The following PTPA variants were observed in gnomAD, a reference collection of about 807,000 sequenced individuals.
PTPA encodes the protein protein phosphatase 2 phosphatase activator.
Under a neutral mutation model 43.6 loss-of-function variants are expected in PTPA, and 13 were observed. The ratio of observed to expected loss-of-function variants is 0.30; its 90% CI spans 0.19 to 0.47. The LOEUF (loss-of-function observed/expected upper bound fraction) is 0.47. Among genes scored for constraint, PTPA ranks in the 20% least tolerant of loss-of-function variants. The pLI, the probability that PTPA is intolerant of heterozygous loss-of-function variation, is 0.99. For synonymous variants in PTPA, 172 were observed against 158.2 expected (o/e 1.09, Z -0.66); for missense variants, 329 against 411.9 (o/e 0.80, Z 1.74).
At chr9:129,114,858 G>A (rs1035076603) in intron 1 of PTPA, among the ~76,000 whole-genome samples, 1 of 152,168 alleles carries the variant, frequency 6.6e-6, no homozygotes, top group Non-Finnish European at 1.5e-5. Flanking sequence ...GGGATTGTGT[G>A]TTCTGGCAAC....
At position 129,136,512 on chromosome 9, in the gene PTPA, T is replaced by G; in HGVS notation, c.602T>G (p.Met201Arg). 1 of 1,613,878 alleles carries G rather than the reference T, an allele frequency of 6.2e-7. No homozygotes were observed. Among genetic ancestry groups the G allele is most frequent in the Non-Finnish European group, 8.5e-7 (1 of 1,179,844 alleles). The change falls in exon 7 of 10, where the codon ATG becomes AGG. Residue 201 changes from methionine to arginine, a missense_variant. By Grantham distance (91) the Met-to-Arg change is moderately conservative (BLOSUM62 -1). Coordinates refer to ENST00000393370, the MANE Select transcript of PTPA (RefSeq NM_178000.3). ...VMRKLQKTYRMEPAGSQGVWG... is the reference protein window; with the variant it reads ...VMRKLQKTYRREPAGSQGVWG... ...CGGAAACTCCAGAAAACATACAGGA[T>G]GGAGCCAGCCGGCAGCCAGGGAGTG...
At chr9:129,125,522 C>T (rs553662267) in intron 3 of PTPA, among the ~76,000 whole-genome samples, 20 of 152,274 alleles carry the variant, frequency 1.3e-4, no homozygotes, top group Admixed American at 9.2e-4. Flanking sequence ...GGATTGCAGG[C>T]GTGAGCTGCT....
At position 129,129,021 on chromosome 9, in the gene PTPA, G is replaced by T. The variant is rs1849770818; in HGVS notation, c.253G>T (p.Asp85Tyr). The change falls in exon 4 of 10, where the codon GAC becomes TAC. Residue 85 changes from aspartate (D) to tyrosine (Y), a missense_variant. Asp to Tyr is a radical substitution (Grantham distance 160, BLOSUM62 -3). Coordinates refer to ENST00000393370, the MANE Select transcript of PTPA (RefSeq NM_178000.3). ...EKLVALLNTLDRWIDETPPVD... is the reference protein window; with the variant it reads ...EKLVALLNTLYRWIDETPPVD... Reference sequence around the variant, plus strand: ...ACTAGTCGCTCTTCTCAACACGCTGGACAGGTGGATTGATGAGACTCCTCC... The same window carrying T: ...ACTAGTCGCTCTTCTCAACACGCTGTACAGGTGGATTGATGAGACTCCTCC... 1.2e-6 allele frequency: 2 copies of T among 1,612,974 alleles called. 1 individual carries two copies. The highest frequency in any genetic ancestry group is 2.2e-5 in the South Asian group (2 of 91,016).
intron 8 of PTPA, among the ~76,000 whole-genome samples, chr9:129,138,362 C>T (rs1012742662): frequency 2.0e-5 from 3 of 152,176 alleles, no homozygotes; most frequent in African/African-American, 7.2e-5. Context: ...CATTCCTGGG[C>T]CCTCCATCCC....
rs1466637846 is a variant in PTPA at position 129,111,847 on chromosome 9, T to G, written c.31+216T>G. On this transcript the variant is annotated intron_variant, in intron 1 of 9. Transcript: ENST00000393370. ...CCAGGGGCTGCAAAGGGGTGGTGAT[T>G]GGGGCGCAACTCTGGGTTTTGTGGG... 4 of 1,183,450 alleles carry G rather than the reference T, an allele frequency of 3.4e-6. No homozygotes were observed. In the African/African-American group the frequency reaches 4.8e-5, roughly 14 times the overall value. The allele number at this position is 1,183,450 out of a possible 1,614,324, so 73.3% of individuals were successfully genotyped here. A position where few individuals can be genotyped will look rare whatever the true frequency, so the allele number is the denominator to read the frequency against.
At chr9:129,137,385 G>A (rs1850441073) in intron 7 of PTPA, among the ~76,000 whole-genome samples, 1 of 152,266 alleles carries the variant, frequency 6.6e-6, no homozygotes, top group African/African-American at 2.4e-5. Flanking sequence ...ACCTTGGCAG[G>A]CTGAAGTCAT....
intron 9 of PTPA, among the ~76,000 whole-genome samples, chr9:129,145,972 AG>A (rs1035781860): frequency 6.6e-6 from 1 of 151,978 alleles, no homozygotes; most frequent in South Asian, 2.1e-4. Context: ...TGTGGCTCTG[AG>A]GGGGCTGGCT....
chr9:129,111,709 G>A, intron 1 of PTPA, 78 bp downstream of exon 1: 1 of 1,245,586 alleles, frequency 8.0e-7, no homozygotes, highest in Non-Finnish European at 1.0e-6. Context: ...TCAGGAGGGC[G>A]AGAGTCATGA....
chr9:129,138,410 G>A (rs948436563), intron 8 of PTPA, among the ~76,000 whole-genome samples: 1 of 152,194 alleles, frequency 6.6e-6, no homozygotes, highest in African/African-American at 2.4e-5. Context: ...CAAGAGCCAG[G>A]AACCTGCATC....
At chr9:129,142,912 C>T in intron 9 of PTPA, 1 of 1,472,824 alleles carries the variant, frequency 6.8e-7, no homozygotes, top group Non-Finnish European at 9.0e-7. Flanking sequence ...TCTGGCTCTC[C>T]CATGGCATAC....
At chr9:129,126,507 GTCC>G (rs1188821943) in intron 3 of PTPA, among the ~76,000 whole-genome samples, 3 of 152,102 alleles carry the variant, frequency 2.0e-5, no homozygotes, top group Non-Finnish European at 4.4e-5. Flanking sequence ...AATGATGCCT[GTCC>G]TCCTCTTATG....
chr9:129,146,538 C>T (rs1176090474), intron 9 of PTPA, among the ~76,000 whole-genome samples: 1 of 152,238 alleles, frequency 6.6e-6, no homozygotes, highest in Non-Finnish European at 1.5e-5. Context: ...GCCTAACATA[C>T]TCTGTTTTCT....
At position 129,140,488 on chromosome 9, in the gene PTPA, A is replaced by T. The variant is rs1163352098; in HGVS notation, c.787-1957A>T. 2.0e-5 allele frequency among the ~76,000 whole-genome samples: 3 copies of T among 152,280 alleles called. No homozygotes were observed. In the East Asian group the frequency reaches 5.8e-4, roughly 30 times the overall value. On this transcript the variant is annotated intron_variant, in intron 8 of 9. Coordinates refer to ENST00000393370, the MANE Select transcript of PTPA (RefSeq NM_178000.3). Reference sequence around the variant, plus strand: ...CCCAGGGCCACTGGAGCTCCAGGACATGGGCCTAGCCCTGGCTCTGCCAGA... The same window carrying T: ...CCCAGGGCCACTGGAGCTCCAGGACTTGGGCCTAGCCCTGGCTCTGCCAGA...
chr9:129,142,501 C>G lies in PTPA; in HGVS notation c.843C>G (p.Val281=), dbSNP rs1051946. ...ACCAGCTGTGGAACATCAGCGCCGT[C>G]CCTTCCTGGTCCAAAGTGAACCAGG... ...HSNQLWNISA[V]PSWSKVNQGL... is the part of the protein sequence containing the mutation. Residue 281 remains valine, a synonymous_variant, in exon 9 of 10, where the codon GTC becomes GTG. Coordinates refer to ENST00000393370, the MANE Select transcript of PTPA (RefSeq NM_178000.3). 1 of 1,612,906 alleles carries G rather than the reference C, an allele frequency of 6.2e-7. No homozygotes were observed. The highest frequency in any genetic ancestry group is 1.1e-5 in the South Asian group (1 of 91,014).
intron 9 of PTPA, among the ~76,000 whole-genome samples, chr9:129,144,067 C>T (rs1851110067): frequency 6.6e-6 from 1 of 151,662 alleles, no homozygotes; most frequent in Admixed American, 6.6e-5. Context: ...ATTCAAGTGA[C>T]TCTAAACTTC....
chr9:129,136,655 T>TC (rs1850390590), intron 7 of PTPA, 60 bp downstream of exon 7: 2 of 1,512,656 alleles, frequency 1.3e-6, no homozygotes, highest in Admixed American at 3.9e-5. Context: ...TCTGTGGCCC[T>TC]CCCCTGCCCC....
At chr9:129,111,110 T>C, upstream of PTPA, 2 of 1,339,080 alleles carry the variant, frequency 1.5e-6, no homozygotes, top group Non-Finnish European at 2.0e-6. Context: ...CACAACCATG[T>C]TGACCGGGGA....
chr9:129,138,932 G>A (rs932227411), intron 8 of PTPA, among the ~76,000 whole-genome samples: 2 of 152,224 alleles, frequency 1.3e-5, no homozygotes, highest in African/African-American at 4.8e-5. Flanking sequence ...GGGAGGACTT[G>A]GGGGCAGCCT....
chr9:129,134,450 C>T (rs1850218858), intron 5 of PTPA, among the ~76,000 whole-genome samples: 1 of 151,794 alleles, frequency 6.6e-6, no homozygotes, highest in African/African-American at 2.4e-5. Context: ...ACCACAGGCA[C>T]ATGCCACCAT....
Sources: allele counts gnomAD v4.1 joint callset (sites outside exome capture counted in the v4.1 genomes callset), GRCh38; gene constraint gnomAD v4.1.1; transcripts MANE v1.5; gene names NCBI Gene and HGNC (gene_info 2026-07-23, HGNC 2026-07-21).